NTM: variants seen among roughly 807,000 people sequenced by gnomAD.
NTM encodes IgLON family member 2.
In NTM, 13 loss-of-function variants were observed where a neutral mutation model predicts 42.1. That is an observed-to-expected ratio of 0.31 (90% CI 0.20 to 0.49). NTM has a LOEUF of 0.49. Among genes scored for constraint, NTM ranks in the 20% least tolerant of loss-of-function variants. The probability of loss-of-function intolerance (pLI) is 0.99; values close to 1 mark genes in which losing one functional copy is unlikely to be tolerated. For missense variants in NTM, 373 were observed against 452.8 expected, an observed-to-expected ratio of 0.82 and a Z score of 1.60; for synonymous variants, 187 against 179.2, an observed-to-expected ratio of 1.04 and a Z score of -0.35.
At chr11:131,742,612 C>A (rs891013717) in intron 1 of NTM, among the ~76,000 whole-genome samples, 1 of 152,070 alleles carries the variant, frequency 6.6e-6, no homozygotes, top group Admixed American at 6.6e-5. Flanking sequence ...GCACTTATGT[C>A]AATTGTAATA....
intron 2 of NTM, among the ~76,000 whole-genome samples, chr11:131,962,869 C>T (rs928719771): frequency 2.0e-5 from 3 of 152,120 alleles, no homozygotes; most frequent in African/African-American, 7.2e-5. Flanking sequence ...TTCAGCAGCT[C>T]GTTTTATTCC....
chr11:131,783,427 C>A (rs1006925969), intron 1 of NTM, among the ~76,000 whole-genome samples: 19 of 152,108 alleles, frequency 1.2e-4, no homozygotes, highest in African/African-American at 4.3e-4. Flanking sequence ...CAACAAAATT[C>A]TAATCAAAAT....
rs547608557 is a variant in NTM at position 131,373,838 on chromosome 11, C to T, written c.82+2950C>T. On this transcript the variant is annotated intron_variant, in intron 1 of 8. Transcript: ENST00000683400. ...CTCACCTCTCCTCACATCCCGCATCCGCTTAGCAGCTAGCCTGAGACACAG... is the reference window on the plus strand; with the variant it reads ...CTCACCTCTCCTCACATCCCGCATCTGCTTAGCAGCTAGCCTGAGACACAG... 5.9e-5 allele frequency among the ~76,000 whole-genome samples: 9 copies of T among 152,340 alleles called. No individual in the cohort carries two copies. In the South Asian group the frequency reaches 1.2e-3, roughly 21 times the overall value.
chr11:131,622,264 G>C (rs1288633854), intron 1 of NTM, among the ~76,000 whole-genome samples: 1 of 152,180 alleles, frequency 6.6e-6, no homozygotes, highest in Non-Finnish European at 1.5e-5. Context: ...GAGCTGGTAA[G>C]AACAGAGGAA....
At chr11:131,642,991 C>A (rs2065317425) in intron 1 of NTM, among the ~76,000 whole-genome samples, 1 of 149,908 alleles carries the variant, frequency 6.7e-6, no homozygotes, top group Non-Finnish European at 1.5e-5. Context: ...TTCCAGAGGG[C>A]TTAATTTTAC....
intron 2 of NTM, among the ~76,000 whole-genome samples, chr11:132,036,832 A>G (rs1032029515): frequency 6.6e-6 from 1 of 152,158 alleles, no homozygotes; most frequent in African/African-American, 2.4e-5. Context: ...GATGTCTAAC[A>G]TAGGTGGATT....
intron 1 of NTM, among the ~76,000 whole-genome samples, chr11:131,901,864 A>C (rs559120214): frequency 6.6e-6 from 1 of 152,342 alleles, no homozygotes; most frequent in East Asian, 1.9e-4. Flanking sequence ...TAAGACACTC[A>C]CAAGTTGCTC....
At chr11:132,179,354 G>C (rs1411892466) in intron 3 of NTM, among the ~76,000 whole-genome samples, 1 of 152,198 alleles carries the variant, frequency 6.6e-6, no homozygotes, top group East Asian at 1.9e-4. Context: ...GCAGGACACA[G>C]ATCTTAATCT....
chr11:131,906,029 A>G (rs2053806834), intron 1 of NTM, among the ~76,000 whole-genome samples: 2 of 152,198 alleles, frequency 1.3e-5, no homozygotes, highest in Admixed American at 1.3e-4. Context: ...ATGAACGTTA[A>G]TGGAAATAAA....
chr11:131,943,264 C>T (rs1030085608), intron 2 of NTM, among the ~76,000 whole-genome samples: 5 of 152,194 alleles, frequency 3.3e-5, no homozygotes, highest in African/African-American at 9.7e-5. Context: ...CTTCCCCTGG[C>T]TGGTGTGGAC....
chr11:132,259,705 T>C (rs2092726428), intron 4 of NTM, among the ~76,000 whole-genome samples: 1 of 152,004 alleles, frequency 6.6e-6, no homozygotes, highest in African/African-American at 2.4e-5. Flanking sequence ...TTTTAGTTGA[T>C]CACCAATAAA....
chr11:131,540,454 C>T (rs1015101437), intron 1 of NTM: 18 of 152,126 alleles, frequency 1.2e-4, no homozygotes, highest in African/African-American at 4.3e-4. Flanking sequence ...TGTGAGCCAC[C>T]ATGGCCAGCC....
chr11:131,829,627 A>T (rs1468813807), intron 1 of NTM, among the ~76,000 whole-genome samples: 1 of 152,184 alleles, frequency 6.6e-6, no homozygotes, highest in Non-Finnish European at 1.5e-5. Flanking sequence ...TGCTATTGTG[A>T]ATAGTGCTGC....
intron 2 of NTM, among the ~76,000 whole-genome samples, chr11:131,988,673 T>A (rs1003376252): frequency 6.6e-6 from 1 of 152,172 alleles, no homozygotes; most frequent in Non-Finnish European, 1.5e-5. Flanking sequence ...AGAGATTCGC[T>A]AGAGAAATTG....
intron 1 of NTM, among the ~76,000 whole-genome samples, chr11:131,810,308 C>A (rs2092684441): frequency 6.6e-6 from 1 of 152,170 alleles, no homozygotes; most frequent in Non-Finnish European, 1.5e-5. Flanking sequence ...TTCTTACTCC[C>A]CTGTCACCCA....
At chr11:131,457,024 G>A (rs1950962806) in intron 1 of NTM, among the ~76,000 whole-genome samples, 1 of 152,114 alleles carries the variant, frequency 6.6e-6, no homozygotes, top group African/African-American at 2.4e-5. Context: ...TTATTTCAGG[G>A]AAATGGACTT....
intron 3 of NTM, among the ~76,000 whole-genome samples, chr11:132,204,698 A>G (rs1371715815): frequency 6.6e-6 from 1 of 152,178 alleles, no homozygotes; most frequent in Non-Finnish European, 1.5e-5. Context: ...GGGAGGCGGC[A>G]TCCAGAGTGT....
chr11:131,838,240 C>T (rs1412640854), intron 1 of NTM, among the ~76,000 whole-genome samples: 7 of 152,210 alleles, frequency 4.6e-5, no homozygotes, highest in South Asian at 4.2e-4. Flanking sequence ...TCACTCATCC[C>T]GGAAGTCGGG....
intron 1 of NTM, among the ~76,000 whole-genome samples, chr11:131,700,945 G>T (rs1271561549): frequency 6.6e-6 from 1 of 152,174 alleles, no homozygotes; most frequent in Non-Finnish European, 1.5e-5. Flanking sequence ...TCCTGGTTCT[G>T]CCATTTAATA....
Sources: gnomAD v4.1 joint callset for allele counts (sites outside exome capture counted in the v4.1 genomes callset) on GRCh38, gnomAD v4.1.1 for gene constraint, MANE v1.5 for transcripts, NCBI Gene and HGNC (gene_info 2026-07-23, HGNC 2026-07-21) for gene names.